PEG3: variants seen among roughly 807,000 people sequenced by gnomAD.
PEG3 encodes paternally expressed 3.
In PEG3, 23 loss-of-function variants were observed where a neutral mutation model predicts 35.5. That is an observed-to-expected ratio of 0.65 (90% CI 0.47 to 0.92). The LOEUF is 0.92. Among genes scored for constraint, PEG3 ranks in the 40% least tolerant of loss-of-function variants. The pLI is 0.00. For synonymous variants in PEG3, 707 were observed against 697.0 expected (o/e 1.01, Z -0.23); for missense variants, 1,960 against 1,985.3 (o/e 0.99, Z 0.24).
Position 56,810,774 on chromosome 19 carries a change from A to G in PEG3, c.*2901T>C, listed in dbSNP as rs1457139020. On this transcript the variant is annotated 3_prime_UTR_variant, in exon 10 of 10. Coordinates refer to ENST00000326441, the MANE Select transcript of PEG3 (RefSeq NM_006210.3). ...CGTGTGCACTGAAACAAGATAGAGG[A>G]AACAGATCAAGATGTTAGCAGTAGT... 2 of 980,806 alleles carry G rather than the reference A, an allele frequency of 2.0e-6. No individual in the cohort carries two copies. Among genetic ancestry groups the G allele is most frequent in the Admixed American group, 1.2e-4 (2 of 16,262 alleles). 60.8% of individuals were successfully genotyped at this position (980,806 alleles called of 1,614,324 possible).
chr19:56,810,241 T>G lies in PEG3; in HGVS notation c.*3434A>C, dbSNP rs1221483920. On this transcript the variant is annotated 3_prime_UTR_variant, in exon 10 of 10. Coordinates refer to ENST00000326441, the MANE Select transcript of PEG3 (RefSeq NM_006210.3). ...GGTGAAAACATGGGTGAGTTTCTCT[T>G]CTACATTTCTGTAACTTCAAAGTTT... is the stretch of plus-strand genomic sequence containing the variant. 1.0e-6 allele frequency: 1 copy of G among 983,438 alleles called. No individual in the cohort carries two copies. The highest frequency in any genetic ancestry group is 1.1e-4 in the East Asian group (1 of 8,820). 60.9% of individuals were successfully genotyped at this position (983,438 alleles called of 1,614,324 possible).
chr19:56,825,462 TCTTTA>T (rs2060929175), intron 3 of PEG3, among the ~76,000 whole-genome samples: 1 of 152,260 alleles, frequency 6.6e-6, no homozygotes, highest in African/African-American at 2.4e-5. Context: ...TCTTACTGTT[TCTTTA>T]CTTAGTTCAT....
intron 8 of PEG3, 61 bp from the exon 9 acceptor site, chr19:56,817,896 C>T: frequency 1.5e-6 from 2 of 1,339,004 alleles, no homozygotes; most frequent in Non-Finnish European, 2.1e-6. Flanking sequence ...GACTCATCAC[C>T]ATAAATTGAT....
intron 2 of PEG3, among the ~76,000 whole-genome samples, chr19:56,830,918 C>G (rs1182099738): frequency 6.6e-6 from 1 of 151,510 alleles, no homozygotes; most frequent in Non-Finnish European, 1.5e-5. Flanking sequence ...CAGAACTAGA[C>G]TGAATCACCA....
In PEG3 at chr19:56,815,266, T is replaced by C. The variant is rs1179927946; in HGVS notation, c.3176A>G (p.His1059Arg). The C allele has an allele frequency of 1.9e-6, 3 of 1,614,148 alleles. No homozygotes were observed. Among genetic ancestry groups the C allele is most frequent in the African/African-American group, 1.3e-5 (1 of 75,076 alleles). ...ATTCTCGCCTTGAGACTCCTCGCCA[T>C]GAGACTTCTCTTGGTCATAGATTTT... is the stretch of plus-strand genomic sequence containing the variant. The part of the protein sequence containing the change: ...NQKIYDQEKS[H>R]GEESQGENTD... Residue 1059 changes from histidine to arginine, a missense_variant, in exon 10 of 10, where the codon CAT (histidine) becomes CGT (arginine). Coordinates refer to ENST00000326441, the MANE Select transcript of PEG3 (RefSeq NM_006210.3).
At chr19:56,818,419 C>T (rs2060182701) in intron 8 of PEG3, among the ~76,000 whole-genome samples, 181 bp downstream of exon 8, 1 of 152,206 alleles carries the variant, frequency 6.6e-6, no homozygotes, top group Non-Finnish European at 1.5e-5. Flanking sequence ...AAGCCAGAGG[C>T]ATTTCTTAAA....
At position 56,824,598 on chromosome 19, in the gene PEG3, G is replaced by C; in HGVS notation, c.58C>G (p.Leu20Val). ...TKPKKSWAPN[L>V]YELDSDLTKE... ...GTCAAGTCACTGTCTAGCTCATACAGATTTGGGGCCCAGGACTTCTTAGGT... is the reference window on the plus strand; with the variant it reads ...GTCAAGTCACTGTCTAGCTCATACACATTTGGGGCCCAGGACTTCTTAGGT... Residue 20 changes from leucine (L) to valine (V), a missense_variant, in exon 4 of 10, where the codon CTG becomes GTG. Leu to Val is a conservative substitution (Grantham distance 32). This residue lies in a region of PEG3 where 613 missense variants were observed against 577.1 expected (regional missense o/e 1.06). Coordinates refer to ENST00000326441, the MANE Select transcript of PEG3 (RefSeq NM_006210.3). 1 of 1,613,060 alleles carries C rather than the reference G, an allele frequency of 6.2e-7. No homozygotes were observed. The highest frequency in any genetic ancestry group is 8.5e-7 in the Non-Finnish European group (1 of 1,179,096).
Position 56,815,840 on chromosome 19 carries a change from G to C in PEG3, c.2602C>G (p.Leu868Val). The change falls in exon 10 of 10, where the codon CTT (leucine) becomes GTT (valine). Residue 868 changes from leucine (L) to valine (V), a missense_variant. Leu to Val is a conservative substitution (Grantham distance 32, BLOSUM62 1). Coordinates refer to ENST00000326441, the MANE Select transcript of PEG3 (RefSeq NM_006210.3). The stretch of plus-strand genomic sequence containing the variant: ...GGAATCTTCTGTCGCTTATCATTAA[G>C]GTCTGAGATATAAATGGAGGATTCT... ...KGESSIYISD[L>V]NDKRQKIPAR... 1 of 1,613,614 alleles carries C rather than the reference G, an allele frequency of 6.2e-7. No individual in the cohort carries two copies. The highest frequency in any genetic ancestry group is 8.5e-7 in the Non-Finnish European group (1 of 1,179,696).
chr19:56,837,672 A>G (rs2062324182), intron 1 of PEG3, among the ~76,000 whole-genome samples: 1 of 152,204 alleles, frequency 6.6e-6, no homozygotes, highest in African/African-American at 2.4e-5. Context: ...GTCACTCAGG[A>G]AGGCTCCAGT....
intron 7 of PEG3, among the ~76,000 whole-genome samples, chr19:56,819,931 A>G (rs951855815): frequency 1.3e-5 from 2 of 152,234 alleles, no homozygotes; most frequent in Non-Finnish European, 2.9e-5. Context: ...AGCCTTATCC[A>G]TGAACTGCCT....
In PEG3 at chr19:56,814,515, A is replaced by G; in HGVS notation, c.3927T>C (p.Tyr1309=). The change falls in exon 10 of 10, where the codon TAT becomes TAC. Residue 1309 remains tyrosine (Y), a synonymous_variant. Transcript: ENST00000326441. The surrounding 1 kb of genome is among the most constrained non-coding windows in gnomAD (Gnocchi z 5.8). ...DHVTVHKNEP[Y]EYGSSYTHTS... ...TGTGAGTATAGGAGGACCCGTACTC[A>G]TAGGGCTCATTCTTATGAACAGTTA... 2 of 1,614,052 alleles carry G rather than the reference A, an allele frequency of 1.2e-6. No individual in the cohort carries two copies. Among genetic ancestry groups the G allele is most frequent in the Non-Finnish European group, 1.7e-6 (2 of 1,179,946 alleles).
chr19:56,815,568 A>C lies in PEG3; in HGVS notation c.2874T>G (p.Gly958=), dbSNP rs1333862198. The C allele has an allele frequency of 6.2e-7, 1 of 1,614,072 alleles. No individual in the cohort carries two copies. Residue 958 remains glycine, a synonymous_variant, in exon 10 of 10, where the codon GGT becomes GGG. Coordinates refer to ENST00000326441, the MANE Select transcript of PEG3 (RefSeq NM_006210.3). ...TCCCTCGAGGGCGAAATGTTTGTTC[A>C]CCAAAAGGCAGAGAGTGAATTACAG... ...ETSVIHSLPF[G]EQTFRPRGML...
chr19:56,838,619 C>G (rs2062507069), intron 1 of PEG3, among the ~76,000 whole-genome samples: 1 of 152,198 alleles, frequency 6.6e-6, no homozygotes, highest in Admixed American at 6.5e-5. Context: ...CACCGTTAGC[C>G]AAAAACACAG....
chr19:56,823,292 T>C (rs573850821), intron 5 of PEG3, among the ~76,000 whole-genome samples: 27 of 152,346 alleles, frequency 1.8e-4, no homozygotes, highest in African/African-American at 6.5e-4. Context: ...TGAAGCATCT[T>C]TAATGAACCT....
At chr19:56,838,809 C>T (rs1011832035) in intron 1 of PEG3, among the ~76,000 whole-genome samples, 6 of 152,246 alleles carry the variant, frequency 3.9e-5, no homozygotes, top group Non-Finnish European at 8.8e-5. Context: ...CCACAGCTTT[C>T]CATCACCGCA....
intron 2 of PEG3, among the ~76,000 whole-genome samples, chr19:56,830,027 C>A (rs1426063595): frequency 2.6e-5 from 4 of 152,192 alleles, no homozygotes; most frequent in Non-Finnish European, 5.9e-5. Context: ...AGTTAATCTG[C>A]CTGAGGATGG....
At position 56,814,260 on chromosome 19, in the gene PEG3, A is replaced by C; in HGVS notation, c.4182T>G (p.Ala1394=). 1 of 1,613,802 alleles carries C rather than the reference A, an allele frequency of 6.2e-7. No homozygotes were observed. Among genetic ancestry groups the C allele is most frequent in the Non-Finnish European group, 8.5e-7 (1 of 1,180,040 alleles). The stretch of plus-strand genomic sequence containing the variant: ...CGGCAGCCTCCACTTCTGGCTCAGC[A>C]GCCTCTACGTTTAAGCCCTGAATCC... ...VLRIQGLNVE[A]AEPEVEAAEP... Residue 1394 remains alanine, a synonymous_variant, in exon 10 of 10, where the codon GCT becomes GCG. Coordinates refer to ENST00000326441, the MANE Select transcript of PEG3 (RefSeq NM_006210.3). This position sits in a 1 kb window ranked among gnomAD's most constrained non-coding sequence, Gnocchi z 5.8.
intron 3 of PEG3, among the ~76,000 whole-genome samples, chr19:56,826,168 CAG>C: frequency 1.3e-5 from 2 of 152,238 alleles, no homozygotes; most frequent in South Asian, 2.1e-4. Flanking sequence ...GGCAACAGAC[CAG>C]AGAGTCCAGG....
chr19:56,821,676 G>A lies in PEG3; in HGVS notation c.644C>T (p.Ser215Phe). 6.2e-7 allele frequency: 1 copy of A among 1,614,020 alleles called. No individual in the cohort carries two copies. The highest frequency in any genetic ancestry group is 1.3e-5 in the African/African-American group (1 of 75,022). ...CTGAGATCGGGACTCATAAGCCCTG[G>A]AGTCCCTGTCGTCCTCTCTGTCCAT... ...FEMDREDDRDSRAYESRSQDA... is the reference protein window; with the variant it reads ...FEMDREDDRDFRAYESRSQDA... Residue 215 changes from serine to phenylalanine, a missense_variant, in exon 7 of 10, where the codon TCC (serine) becomes TTC (phenylalanine). This residue lies in a region of PEG3 where 613 missense variants were observed against 577.1 expected (regional missense o/e 1.06). Coordinates refer to ENST00000326441, the MANE Select transcript of PEG3 (RefSeq NM_006210.3).
Sources: allele counts gnomAD v4.1 joint callset (sites outside exome capture counted in the v4.1 genomes callset), GRCh38; gene constraint gnomAD v4.1.1; regional missense constraint gnomAD v4.1.1; non-coding constraint Gnocchi (gnomAD v3.1); transcripts MANE v1.5; gene names NCBI Gene and HGNC (gene_info 2026-07-23, HGNC 2026-07-21).